The following GRM7 variants were observed in gnomAD, a reference collection of about 807,000 sequenced individuals.
GRM7 encodes the protein metabotropic glutamate receptor 7.
A neutral mutation model predicts 84.5 loss-of-function variants in GRM7; 35 were observed. That is an observed-to-expected ratio of 0.41 (90% CI 0.32 to 0.55). The LOEUF (loss-of-function observed/expected upper bound fraction) is 0.55. Ranked by LOEUF, GRM7 falls within the 20% of genes least tolerant of loss-of-function variation. GRM7 has a pLI of 0.19. For synonymous variants in GRM7, 487 were observed against 455.1 expected (o/e 1.07, Z -0.89); for missense variants, 1,003 against 1,194.6 (o/e 0.84, Z 2.36).
rs111767273 is a variant in GRM7, at chr3:7,394,234, A to G, written c.1034-20789A>G. Among the ~76,000 whole-genome samples the G allele has an allele frequency of 3.4e-3, 514 of 152,292 alleles. 2 individuals are homozygous for G. Among genetic ancestry groups the G allele is most frequent in the African/African-American group, 0.012 (494 of 41,558 alleles). Reference sequence around the variant, plus strand: ...TCTGTTTTGAACCATTATTCAGCAGACTTCAGTTGGTTCTGCTATAAATCC... The same window carrying G: ...TCTGTTTTGAACCATTATTCAGCAGGCTTCAGTTGGTTCTGCTATAAATCC... On this transcript the variant is annotated intron_variant, in intron 4 of 9. Coordinates refer to ENST00000357716, the MANE Select transcript of GRM7 (RefSeq NM_000844.4).
intron 7 of GRM7, among the ~76,000 whole-genome samples, chr3:7,534,828 G>A (rs184881661): frequency 1.3e-4 from 20 of 152,262 alleles, no homozygotes; most frequent in African/African-American, 4.6e-4. Context: ...TGAATCTATC[G>A]AGAAATCTTT....
At chr3:7,214,233 C>G (rs1273691136) in intron 2 of GRM7, among the ~76,000 whole-genome samples, 10 of 152,018 alleles carry the variant, frequency 6.6e-5, no homozygotes, top group Non-Finnish European at 1.5e-4. Context: ...ATGTAGAAGT[C>G]ATGAATATGC....
chr3:7,599,940 TA>T (rs1696237281), intron 8 of GRM7, among the ~76,000 whole-genome samples: 1 of 152,134 alleles, frequency 6.6e-6, no homozygotes, highest in African/African-American at 2.4e-5. Context: ...TACAGTGGTT[TA>T]TTTCATTAGC....
At chr3:7,735,048 C>CAAA (rs3840230) in intron 9 of GRM7, among the ~76,000 whole-genome samples, 314 of 151,566 alleles carry the variant, frequency 2.1e-3, no homozygotes, top group African/African-American at 6.9e-3. Context: ...GAAGTAATTA[C>CAAA]AAAAAAAAGT....
intron 1 of GRM7, among the ~76,000 whole-genome samples, chr3:6,898,129 G>C (rs1306561286): frequency 6.6e-6 from 1 of 152,172 alleles, no homozygotes; most frequent in Non-Finnish European, 1.5e-5. Flanking sequence ...GCACAGAGCT[G>C]GATGGAGAAA....
chr3:7,453,519 T>A (rs1697866598), intron 6 of GRM7, among the ~76,000 whole-genome samples: 1 of 152,138 alleles, frequency 6.6e-6, no homozygotes, highest in South Asian at 2.1e-4. Flanking sequence ...TTAAATTTAT[T>A]ACAAAAGGTA....
At position 7,312,777 on chromosome 3, in the gene GRM7, T is replaced by A. The variant is rs368672937; in HGVS notation, c.1033+6125T>A. Reference sequence around the variant, plus strand: ...ATTTCCCTCCCTTAGAAAAAAAAAATGTCATGTTAATAGGGCAACTATATA... The same window carrying A: ...ATTTCCCTCCCTTAGAAAAAAAAAAAGTCATGTTAATAGGGCAACTATATA... On this transcript the variant is annotated intron_variant, in intron 4 of 9. Coordinates refer to ENST00000357716, the MANE Select transcript of GRM7 (RefSeq NM_000844.4). Among the ~76,000 whole-genome samples the A allele has an allele frequency of 7.3e-5, 11 of 151,254 alleles. No homozygotes were observed. The East Asian group carries it at 2.0e-3, about 27-fold the overall frequency.
At chr3:6,986,563 C>T (rs1439028182) in intron 1 of GRM7, among the ~76,000 whole-genome samples, 1 of 152,186 alleles carries the variant, frequency 6.6e-6, no homozygotes, top group Non-Finnish European at 1.5e-5. Context: ...CTGCCTCACA[C>T]CCTCATGTAT....
At chr3:7,058,796 A>G (rs1480349962) in intron 1 of GRM7, among the ~76,000 whole-genome samples, 3 of 151,894 alleles carry the variant, frequency 2.0e-5, no homozygotes, top group Non-Finnish European at 4.4e-5. Context: ...GGGACTTCAC[A>G]TTCTGTCCTT....
In GRM7 at chr3:7,229,751, ATATATATATTTTTTT is replaced by A. The variant is rs1697117090; in HGVS notation, c.737-68931_737-68917del. ...CATATATATATATATATATATATAT[ATATATATATTTTTTT>A]TTTTTTTTGGTTGACAGGTGTTGAG... is the stretch of plus-strand genomic sequence containing the variant. On this transcript the variant is annotated intron_variant, in intron 2 of 9. Transcript: ENST00000357716. Among the ~76,000 whole-genome samples, 6 of 28,640 alleles carry A rather than the reference ATATATATATTTTTTT, an allele frequency of 2.1e-4. 1 individual carries two copies. The highest frequency in any genetic ancestry group is 2.0e-3 in the Admixed American group (4 of 2,042). The allele number at this position is 28,640 out of a possible 152,430, so 18.8% of individuals were successfully genotyped here.
intron 4 of GRM7, among the ~76,000 whole-genome samples, chr3:7,334,992 C>T (rs1043807854): frequency 6.6e-6 from 1 of 150,750 alleles, no homozygotes; most frequent in African/African-American, 2.5e-5. Context: ...ATTGACAGCA[C>T]TAGACAGGTC....
At chr3:7,288,247 A>C (rs1699499285) in intron 2 of GRM7, among the ~76,000 whole-genome samples, 3 of 152,242 alleles carry the variant, frequency 2.0e-5, no homozygotes, top group African/African-American at 7.2e-5. Flanking sequence ...TCACCACATG[A>C]AAAGATGCTA....
chr3:7,644,296 G>T (rs1698522705), intron 8 of GRM7, among the ~76,000 whole-genome samples: 1 of 150,808 alleles, frequency 6.6e-6, no homozygotes, highest in African/African-American at 2.4e-5. Flanking sequence ...TGATTAACAA[G>T]ATGCCAAAAG....
chr3:6,958,277 G>C (rs1413561624), intron 1 of GRM7, among the ~76,000 whole-genome samples: 1 of 151,048 alleles, frequency 6.6e-6, no homozygotes, highest in Admixed American at 6.6e-5. Flanking sequence ...ATTTTACTCA[G>C]CATAATGGTT....
At chr3:7,364,381 A>C (rs1693791571) in intron 4 of GRM7, among the ~76,000 whole-genome samples, 1 of 151,666 alleles carries the variant, frequency 6.6e-6, no homozygotes, top group Non-Finnish European at 1.5e-5. Context: ...TAAGTTTATG[A>C]TGAGTGTCTT....
intron 1 of GRM7, among the ~76,000 whole-genome samples, chr3:7,086,192 A>G (rs188933473): frequency 7.4e-4 from 113 of 152,274 alleles, no homozygotes; most frequent in African/African-American, 2.4e-3. Flanking sequence ...GAGTCTATAG[A>G]ATCACTGTCT....
At chr3:7,415,387 A>G (rs1394608364) in intron 5 of GRM7, among the ~76,000 whole-genome samples, 1 of 152,164 alleles carries the variant, frequency 6.6e-6, no homozygotes, top group East Asian at 1.9e-4. Context: ...TGACATTTTC[A>G]GTGATTCTTT....
chr3:7,013,173 TAAATAAA>T (rs1695442618), intron 1 of GRM7, among the ~76,000 whole-genome samples: 1 of 151,854 alleles, frequency 6.6e-6, no homozygotes, highest in Admixed American at 6.6e-5. Context: ...AAAAGAAACT[TAAATAAA>T]TGTCCTTATA....
rs76104296 is a variant in GRM7, at chr3:7,354,164, A to G, written c.1033+47512A>G. ...GTCAATCCTCCTGCCATCGTTCCTC[A>G]AAGGGAAACCTTGCCTTTTACCAGG... On this transcript the variant is annotated intron_variant, in intron 4 of 9. Transcript: ENST00000357716. 5.6e-3 allele frequency among the ~76,000 whole-genome samples: 859 copies of G among 152,260 alleles called. 7 individuals are homozygous for G. Among genetic ancestry groups the G allele is most frequent in the African/African-American group, 0.02 (822 of 41,572 alleles).
Sources: allele counts gnomAD v4.1 joint callset (sites outside exome capture counted in the v4.1 genomes callset), GRCh38; gene constraint gnomAD v4.1.1; transcripts MANE v1.5; gene names NCBI Gene and HGNC (gene_info 2026-07-23, HGNC 2026-07-21).